Variants in COL5A2 observed in about 807,000 individuals in gnomAD.
COL5A2 encodes the protein collagen type V alpha 2 chain.
In COL5A2, 23 loss-of-function variants were observed where a neutral mutation model predicts 208.2. That is an observed-to-expected ratio of 0.11 (90% CI 0.08 to 0.16). The LOEUF (loss-of-function observed/expected upper bound fraction) is 0.16. Among genes scored for constraint, COL5A2 ranks in the 10% least tolerant of loss-of-function variants. The pLI, the probability that COL5A2 is intolerant of heterozygous loss-of-function variation, is 1.00. For synonymous variants in COL5A2, 625 were observed against 628.5 expected, an observed-to-expected ratio of 0.99 and a Z score of 0.08; for missense variants, 1,590 against 1,956.4, an observed-to-expected ratio of 0.81 and a Z score of 3.53.
At chr2:189,376,247 A>G in the COL5A2 span, among the ~76,000 whole-genome samples, 1 of 152,132 alleles carries the variant, frequency 6.6e-6, no homozygotes, top group Non-Finnish European at 1.5e-5. Flanking sequence ...CTTTATCTAC[A>G]TATCCTTTTA....
chr2:189,198,981 C>T (rs1287436195), intron 1 of COL5A2, among the ~76,000 whole-genome samples: 1 of 152,142 alleles, frequency 6.6e-6, no homozygotes, highest in African/African-American at 2.4e-5. Flanking sequence ...ACCATGCTAA[C>T]ATTTCCTTCC....
chr2:189,437,449 T>C, the COL5A2 span, among the ~76,000 whole-genome samples: 1 of 152,232 alleles, frequency 6.6e-6, no homozygotes, highest in Non-Finnish European at 1.5e-5. Context: ...GACCACACTT[T>C]GTGCAACAAC....
chr2:189,428,112 G>T, the COL5A2 span, among the ~76,000 whole-genome samples: 2 of 152,274 alleles, frequency 1.3e-5, no homozygotes, highest in East Asian at 1.9e-4. Context: ...AGGCATGATT[G>T]TATTTTGAAA....
the COL5A2 span, among the ~76,000 whole-genome samples, chr2:189,439,035 T>TTG: frequency 6.6e-6 from 1 of 152,184 alleles, no homozygotes; most frequent in African/African-American, 2.4e-5. Flanking sequence ...GGCTGACTCT[T>TTG]TCACCAAACA....
At chr2:189,398,084 C>G in the COL5A2 span, among the ~76,000 whole-genome samples, 5 of 152,090 alleles carry the variant, frequency 3.3e-5, no homozygotes, top group African/African-American at 4.8e-5. Context: ...TTTCCAATCA[C>G]TTAGAAATTT....
chr2:189,313,149 G>GA, the COL5A2 span, among the ~76,000 whole-genome samples: 91 of 152,016 alleles, frequency 6.0e-4, 2 homozygotes, highest in Non-Finnish European at 1.0e-3. Flanking sequence ...GACGGGAGCA[G>GA]ACAAAAATAG....
chr2:189,434,663 A>G, the COL5A2 span, among the ~76,000 whole-genome samples: 1 of 152,190 alleles, frequency 6.6e-6, no homozygotes, highest in Non-Finnish European at 1.5e-5. Context: ...ATCACTGCTA[A>G]ACGAAATAAA....
At chr2:189,217,590 T>A (rs1365856545) in intron 1 of COL5A2, among the ~76,000 whole-genome samples, 2 of 152,092 alleles carry the variant, frequency 1.3e-5, no homozygotes, top group Non-Finnish European at 2.9e-5. Context: ...CCAGAAATGC[T>A]CCTACCCATT....
the COL5A2 span, among the ~76,000 whole-genome samples, chr2:189,323,562 C>G: frequency 6.6e-6 from 1 of 152,052 alleles, no homozygotes; most frequent in Admixed American, 6.5e-5. Flanking sequence ...GAGTGAACTC[C>G]CATTCACATT....
At position 189,068,207 on chromosome 2, in the gene COL5A2, C is replaced by T. The variant is rs768849298; in HGVS notation, c.1302+19G>A. 10 of 1,612,898 alleles carry T rather than the reference C, an allele frequency of 6.2e-6. No homozygotes were observed. The African/African-American group carries it at 8.0e-5, about 13-fold the overall frequency. On this transcript the variant is annotated intron_variant, in intron 20 of 53. Transcript: ENST00000374866. ...ATCATGCCCATTTGAGCTTCACATGCCATAAATGCAGTACTCACCGTTGGG... is the reference window on the plus strand; with the variant it reads ...ATCATGCCCATTTGAGCTTCACATGTCATAAATGCAGTACTCACCGTTGGG...
the COL5A2 span, among the ~76,000 whole-genome samples, chr2:189,258,530 T>C: frequency 0.93 from 140,921 of 152,216 alleles, 65,519 homozygotes; most frequent in East Asian, 1. Context: ...AAAGTGAAAG[T>C]GTTCTACTTT....
At chr2:189,270,963 G>A in the COL5A2 span, among the ~76,000 whole-genome samples, 49 of 152,078 alleles carry the variant, frequency 3.2e-4, no homozygotes, top group African/African-American at 2.4e-4. Context: ...TGTGAAGGAC[G>A]TCTTCCAGGA....
At chr2:189,085,793 T>C (rs746799435) in intron 9 of COL5A2, 21 bp from the exon 10 acceptor site, 31 of 1,597,962 alleles carry the variant, frequency 1.9e-5, no homozygotes, top group Non-Finnish European at 2.6e-5. Context: ...AAACAAAGTA[T>C]ATATACAAAC....
At chr2:189,317,415 C>T in the COL5A2 span, among the ~76,000 whole-genome samples, 2 of 152,062 alleles carry the variant, frequency 1.3e-5, no homozygotes, top group Non-Finnish European at 2.9e-5. Context: ...GTTGCTAACA[C>T]TTCTATAATT....
the COL5A2 span, among the ~76,000 whole-genome samples, chr2:189,377,846 T>C: frequency 1.3e-5 from 2 of 152,192 alleles, no homozygotes; most frequent in Non-Finnish European, 2.9e-5. Flanking sequence ...TGCGAACCAA[T>C]TATTTGTTTC....
chr2:189,312,030 G>C, the COL5A2 span: 2 of 754,944 alleles, frequency 2.6e-6, no homozygotes, highest in African/African-American at 3.4e-5. Context: ...GGCCAGCTCT[G>C]TCTCATACTT....
At chr2:189,381,525 C>A in the COL5A2 span, among the ~76,000 whole-genome samples, 1 of 151,690 alleles carries the variant, frequency 6.6e-6, no homozygotes, top group Non-Finnish European at 1.5e-5. Flanking sequence ...ATACTTTGTT[C>A]TCTTGTACAT....
At chr2:189,042,634 C>A (rs1685584753) in intron 49 of COL5A2, 86 bp downstream of exon 49, 5 of 1,310,128 alleles carry the variant, frequency 3.8e-6, no homozygotes, top group Non-Finnish European at 5.4e-6. Context: ...AGCTTCAATA[C>A]CAGGAAAACG....
the COL5A2 span, among the ~76,000 whole-genome samples, chr2:189,349,926 C>T: frequency 2.0e-5 from 3 of 151,876 alleles, no homozygotes; most frequent in Non-Finnish European, 4.4e-5. Flanking sequence ...TTAAGAAAAC[C>T]AGATGCAAGA....
Sources: gnomAD v4.1 joint callset for allele counts (sites outside exome capture counted in the v4.1 genomes callset) on GRCh38, gnomAD v4.1.1 for gene constraint, MANE v1.5 for transcripts, NCBI Gene and HGNC (gene_info 2026-07-23, HGNC 2026-07-21) for gene names.